The following LTBP1 variants were observed in gnomAD, a reference collection of about 807,000 sequenced individuals.
The protein encoded by LTBP1 is latent-transforming growth factor beta-binding protein 1.
LTBP1 carries 129 observed loss-of-function variants against 207.6 expected under a neutral mutation model. The observed-to-expected ratio is 0.62, with a 90% CI of 0.54 to 0.72. LTBP1 has a LOEUF of 0.72. Among genes scored for constraint, LTBP1 ranks in the 30% least tolerant of loss-of-function variants. The pLI, the probability that LTBP1 is intolerant of heterozygous loss-of-function variation, is 0.00. For synonymous variants in LTBP1, 963 were observed against 833.7 expected (o/e 1.16, Z -2.67); for missense variants, 2,281 against 2,217.2 (o/e 1.03, Z -0.58).
intron 5 of LTBP1, among the ~76,000 whole-genome samples, chr2:33,174,557 A>G (rs1435505522): frequency 1.3e-5 from 2 of 152,096 alleles, no homozygotes; most frequent in Admixed American, 1.3e-4. Flanking sequence ...GGAAGAATCA[A>G]TATCGTGAAA....
intron 9 of LTBP1, among the ~76,000 whole-genome samples, chr2:33,226,949 AT>A (rs1322307360): frequency 6.6e-6 from 1 of 151,792 alleles, no homozygotes; most frequent in Non-Finnish European, 1.5e-5. Context: ...CTGATCAGGA[AT>A]TTTTTTGTTC....
Position 33,188,725 on chromosome 2 carries a change from G to T in LTBP1, c.1575G>T (p.Gly525=), listed in dbSNP as rs766063280. Residue 525 remains glycine, a synonymous_variant, in exon 7 of 34, where the codon GGG becomes GGT. Coordinates refer to ENST00000404816, the MANE Select transcript of LTBP1 (RefSeq NM_206943.4). The part of the protein sequence containing the change: ...QPGQSQVSYQ[G]LPVQKTQTIH... ...GCCAATCCCAAGTCTCGTACCAAGG[G>T]CTTCCTGTCCAGAAGACCCAGACCA... The T allele has an allele frequency of 4.3e-6, 7 of 1,614,028 alleles. No homozygotes were observed. In the East Asian group the frequency reaches 8.9e-5, roughly 21 times the overall value.
intron 15 of LTBP1, among the ~76,000 whole-genome samples, chr2:33,269,256 A>AC (rs59568600): frequency 2.4e-3 from 361 of 152,310 alleles, no homozygotes; most frequent in African/African-American, 7.9e-3. Context: ...TGTTAAATCT[A>AC]CCATTGGCCT....
chr2:32,961,566 A>T (rs531791196), intron 2 of LTBP1, among the ~76,000 whole-genome samples: 26 of 152,144 alleles, frequency 1.7e-4, no homozygotes, highest in Non-Finnish European at 2.5e-4. Context: ...CCCCCACCTC[A>T]ACATCTAATT....
chr2:33,097,171 T>A (rs995980229), intron 3 of LTBP1, among the ~76,000 whole-genome samples: 14 of 152,238 alleles, frequency 9.2e-5, no homozygotes, highest in African/African-American at 3.4e-4. Context: ...TATTCTGCTT[T>A]AATGTATCCA....
At chr2:33,219,946 G>A (rs2090991621) in intron 8 of LTBP1, among the ~76,000 whole-genome samples, 1 of 151,944 alleles carries the variant, frequency 6.6e-6, no homozygotes, top group African/African-American at 2.4e-5. Context: ...TGAGTTCACT[G>A]ATGTCTGTGG....
intron 2 of LTBP1, 27 bp downstream of exon 2, chr2:32,948,972 T>C (rs1402827197): frequency 1.2e-6 from 2 of 1,612,094 alleles, no homozygotes; most frequent in African/African-American, 2.7e-5. Flanking sequence ...ACAGTGGCCC[T>C]GCACAGTAGG....
At chr2:32,966,118 A>G (rs1238693470) in intron 2 of LTBP1, among the ~76,000 whole-genome samples, 1 of 152,150 alleles carries the variant, frequency 6.6e-6, no homozygotes, top group Non-Finnish European at 1.5e-5. Flanking sequence ...TAAGCCTCAG[A>G]TACTTGAGCT....
intron 5 of LTBP1, among the ~76,000 whole-genome samples, chr2:33,184,781 GTTT>G (rs34063170): frequency 8.8e-5 from 12 of 136,380 alleles, no homozygotes; most frequent in Admixed American, 1.5e-4. Flanking sequence ...AGTATTTTCT[GTTT>G]TTTTTTTTTT....
intron 7 of LTBP1, among the ~76,000 whole-genome samples, chr2:33,191,081 T>G (rs1169066712): frequency 1.3e-5 from 2 of 152,182 alleles, no homozygotes; most frequent in African/African-American, 4.8e-5. Context: ...CAGCTTAGGT[T>G]GGTCATGGAG....
chr2:33,064,122 G>C (rs892638922), intron 3 of LTBP1, among the ~76,000 whole-genome samples: 2 of 152,128 alleles, frequency 1.3e-5, no homozygotes, highest in African/African-American at 4.8e-5. Context: ...CAAAGTGCTA[G>C]GATTACAGGC....
intron 19 of LTBP1, among the ~76,000 whole-genome samples, chr2:33,289,107 C>A (rs148487007): frequency 4.6e-5 from 7 of 152,316 alleles, no homozygotes; most frequent in Admixed American, 2.0e-4. Context: ...GGGCATGGCA[C>A]ATCTAGTTTT....
chr2:33,117,304 A>C (rs1558657839), intron 4 of LTBP1, among the ~76,000 whole-genome samples: 1 of 152,210 alleles, frequency 6.6e-6, no homozygotes, highest in African/African-American at 2.4e-5. Flanking sequence ...TTGTAGCGTT[A>C]GCCTTCAGGC....
At chr2:32,975,484 G>T (rs1364993069) in intron 2 of LTBP1, among the ~76,000 whole-genome samples, 3 of 149,272 alleles carry the variant, frequency 2.0e-5, no homozygotes, top group Non-Finnish European at 4.4e-5. Flanking sequence ...ATTTTTCAAG[G>T]TGTTTACTTT....
intron 2 of LTBP1, among the ~76,000 whole-genome samples, chr2:32,956,956 T>C (rs1678173967): frequency 6.6e-6 from 1 of 152,182 alleles, no homozygotes; most frequent in African/African-American, 2.4e-5. Flanking sequence ...AGGAGTAATA[T>C]TTTGAAAAGA....
rs533913080 is a variant in LTBP1, at chr2:33,164,789, G to A, written c.1202-22067G>A. On this transcript the variant is annotated intron_variant, in intron 5 of 33. Transcript: ENST00000404816. ...TGACATTCATTTGTCACCTACTTAG[G>A]GCATTCACAGCAGTTTTCTAGGTAT... 1.5e-3 allele frequency among the ~76,000 whole-genome samples: 226 copies of A among 152,210 alleles called. 2 individuals are homozygous for A. Among genetic ancestry groups the A allele is most frequent in the African/African-American group, 5.1e-3 (212 of 41,526 alleles).
intron 2 of LTBP1, among the ~76,000 whole-genome samples, chr2:32,960,692 A>G (rs1678960123): frequency 6.6e-6 from 1 of 152,108 alleles, no homozygotes; most frequent in Admixed American, 6.6e-5. Flanking sequence ...CTGGAACTGG[A>G]GGTGGGGAGA....
chr2:32,960,855 TC>T (rs1678990745), intron 2 of LTBP1, among the ~76,000 whole-genome samples: 2 of 152,300 alleles, frequency 1.3e-5, no homozygotes, highest in East Asian at 3.9e-4. Flanking sequence ...TAGGTCATTA[TC>T]GTTGGGTTGT....
intron 10 of LTBP1, among the ~76,000 whole-genome samples, chr2:33,250,959 A>C (rs966092221): frequency 6.6e-5 from 10 of 152,162 alleles, no homozygotes. Context: ...CACCTATGCT[A>C]CACCCACTGC....
Sources: allele counts gnomAD v4.1 joint callset (sites outside exome capture counted in the v4.1 genomes callset), GRCh38; gene constraint gnomAD v4.1.1; transcripts MANE v1.5; gene names NCBI Gene and HGNC (gene_info 2026-07-23, HGNC 2026-07-21).